The following RBBP8 variants were observed in gnomAD, a reference collection of about 807,000 sequenced individuals.
RBBP8 encodes the protein DNA endonuclease RBBP8.
RBBP8 carries 88 observed loss-of-function variants against 108.3 expected under a neutral mutation model. The observed-to-expected ratio is 0.81, with a 90% CI of 0.68 to 0.97. RBBP8 has a LOEUF of 0.97. Ranked by LOEUF, RBBP8 falls within the 50% of genes least tolerant of loss-of-function variation. The pLI, the probability that RBBP8 is intolerant of heterozygous loss-of-function variation, is 0.00. For missense variants in RBBP8, 1,023 were observed against 1,049.0 expected (o/e 0.98, Z 0.34); for synonymous variants, 332 against 348.2 (o/e 0.95, Z 0.52).
intron 6 of RBBP8, among the ~76,000 whole-genome samples, chr18:22,981,204 T>TCA (rs1914908040): frequency 6.6e-6 from 1 of 151,318 alleles, no homozygotes; most frequent in African/African-American, 2.4e-5. Context: ...TCTCCTGACC[T>TCA]TGTGATCTGC....
At chr18:22,997,227 G>C (rs148346451) in intron 13 of RBBP8, among the ~76,000 whole-genome samples, 1 of 152,130 alleles carries the variant, frequency 6.6e-6, no homozygotes. Flanking sequence ...TAATAACAAA[G>C]TATTTAACAT....
chr18:23,021,342 G>T (rs1006832917), intron 17 of RBBP8, among the ~76,000 whole-genome samples: 1 of 152,192 alleles, frequency 6.6e-6, no homozygotes, highest in Non-Finnish European at 1.5e-5. Flanking sequence ...TTGAACACAG[G>T]AGTGGGAGGT....
intron 5 of RBBP8, among the ~76,000 whole-genome samples, chr18:22,974,660 A>T (rs1422350152): frequency 6.6e-6 from 1 of 152,116 alleles, no homozygotes. Flanking sequence ...GGGTTTCACC[A>T]TGGTGGCCAG....
intron 4 of RBBP8, among the ~76,000 whole-genome samples, chr18:22,961,215 A>G (rs1913074226): frequency 6.6e-6 from 1 of 152,256 alleles, no homozygotes; most frequent in Non-Finnish European, 1.5e-5. Context: ...GGAGATCAGC[A>G]TCAATATCAG....
intron 5 of RBBP8, among the ~76,000 whole-genome samples, chr18:22,971,181 C>G (rs1375562939): frequency 6.6e-6 from 1 of 152,010 alleles, no homozygotes; most frequent in East Asian, 1.9e-4. Context: ...GAACACCCAC[C>G]CAATAACTTT....
intron 16 of RBBP8, among the ~76,000 whole-genome samples, chr18:23,011,221 TTC>T (rs773745624): frequency 6.6e-6 from 1 of 152,212 alleles, no homozygotes; most frequent in South Asian, 2.1e-4. Context: ...AAGGTATACT[TTC>T]TGTTTCATGG....
At chr18:22,962,440 A>T (rs1290265438) in intron 4 of RBBP8, among the ~76,000 whole-genome samples, 4 of 152,142 alleles carry the variant, frequency 2.6e-5, no homozygotes, top group African/African-American at 9.7e-5. Context: ...CTTCACAGTG[A>T]AGTTTTTCTT....
At chr18:23,000,919 C>T (rs768834389) in intron 14 of RBBP8, among the ~76,000 whole-genome samples, 1 of 152,114 alleles carries the variant, frequency 6.6e-6, no homozygotes, top group Non-Finnish European at 1.5e-5. Context: ...TCATTACATA[C>T]GTTACAGTTT....
intron 16 of RBBP8, among the ~76,000 whole-genome samples, chr18:23,015,529 T>TC (rs1215966759): frequency 6.6e-6 from 1 of 151,954 alleles, no homozygotes; most frequent in African/African-American, 2.4e-5. Context: ...TAAAATCTTT[T>TC]CCCAGACCAT....
chr18:22,933,802 T>TCGCCGCCAAGCCCGCCCCG (rs1165902680), intron 1 of RBBP8: 5 of 152,094 alleles, frequency 3.3e-5, no homozygotes, highest in South Asian at 2.1e-4. Flanking sequence ...GAAGCGCCTT[T>TCGCCGCCAAGCCCGCCCCG]CGCCGCCAAG....
chr18:22,967,990 T>C (rs1913763820), intron 4 of RBBP8, among the ~76,000 whole-genome samples: 1 of 151,982 alleles, frequency 6.6e-6, no homozygotes, highest in African/African-American at 2.4e-5. Context: ...TTACTAATAA[T>C]TTTTTTAATG....
intron 4 of RBBP8, among the ~76,000 whole-genome samples, chr18:22,952,931 G>A (rs1912169129): frequency 6.6e-6 from 1 of 152,162 alleles, no homozygotes; most frequent in Non-Finnish European, 1.5e-5. Context: ...CAAGAGATTA[G>A]GAATGCTTTT....
chr18:22,993,839 AC>A lies in RBBP8; in HGVS notation c.1932del (p.Asn644LysfsTer14). On this transcript the variant is annotated frameshift_variant, in exon 12 of 19. Coordinates refer to ENST00000327155, the MANE Select transcript of RBBP8 (RefSeq NM_002894.3). LOFTEE classifies it high-confidence loss of function. ...ACTGGTAAAATAAAGTCTCTACAAA[AC>A]AACCAAGGTGTGTACACCATAAACA... ...CRTGKIKSLQ[N>X]NQDVSFENIQ... The A allele has an allele frequency of 1.2e-6, 2 of 1,613,170 alleles. No individual in the cohort carries two copies. Among genetic ancestry groups the A allele is most frequent in the Non-Finnish European group, 1.7e-6 (2 of 1,179,178 alleles).
In RBBP8 at chr18:22,933,527, CG is replaced by C. The variant is rs1244973971; in HGVS notation, c.-131del. On this transcript the variant is annotated 5_prime_UTR_variant, in exon 1 of 19. Transcript: ENST00000327155. ...GCCTCAGAAAGTGCTCGCTTCCCTT[CG>C]GGGGCTTTCGCGAATCCCGAGGCAA... 1 of 154,120 alleles carries C rather than the reference CG, an allele frequency of 6.5e-6. No homozygotes were observed. Among genetic ancestry groups the C allele is most frequent in the East Asian group, 1.9e-4 (1 of 5,168 alleles). 9.5% of individuals were successfully genotyped at this position (154,120 alleles called of 1,614,324 possible).
chr18:23,016,983 C>A, intron 17 of RBBP8, 59 bp downstream of exon 17: 1 of 1,241,160 alleles, frequency 8.1e-7, no homozygotes, highest in Non-Finnish European at 1.2e-6. Context: ...ATAATAAATG[C>A]ATGATTTTAA....
At chr18:22,940,273 G>T (rs550324593) in intron 2 of RBBP8, among the ~76,000 whole-genome samples, 1 of 150,774 alleles carries the variant, frequency 6.6e-6, no homozygotes, top group African/African-American at 2.4e-5. Context: ...ATATTGTTTT[G>T]TAGTCCATGA....
chr18:22,919,813 A>G (rs1240469091), intron 3 of RBBP8, among the ~76,000 whole-genome samples: 1 of 151,850 alleles, frequency 6.6e-6, no homozygotes, highest in Non-Finnish European at 1.5e-5. Context: ...TGGCCTCCCA[A>G]AGTGCTGGGA....
intron 4 of RBBP8, among the ~76,000 whole-genome samples, chr18:22,956,711 G>C (rs575095643): frequency 6.6e-6 from 1 of 152,088 alleles, no homozygotes; most frequent in Non-Finnish European, 1.5e-5. Context: ...ATGTTAATGG[G>C]AAAACACTGA....
chr18:23,016,466 C>T (rs2046257504), intron 16 of RBBP8, among the ~76,000 whole-genome samples: 1 of 152,006 alleles, frequency 6.6e-6, no homozygotes, highest in Admixed American at 6.6e-5. Flanking sequence ...GTCGCTTGAA[C>T]CTGGGAGGTG....
Sources: gnomAD v4.1 joint callset for allele counts (sites outside exome capture counted in the v4.1 genomes callset) on GRCh38, gnomAD v4.1.1 for gene constraint, MANE v1.5 for transcripts, NCBI Gene and HGNC (gene_info 2026-07-23, HGNC 2026-07-21) for gene names.